Variants in ABCG2 observed in about 807,000 individuals in gnomAD.
ABCG2 encodes ATP binding cassette subfamily G member 2 (JR blood group).
ABCG2 carries 80 observed loss-of-function variants against 73.5 expected under a neutral mutation model. The ratio of observed to expected loss-of-function variants is 1.09; its 90% CI spans 0.91 to 1.31. The LOEUF (loss-of-function observed/expected upper bound fraction) is 1.31. Among genes scored for constraint, ABCG2 ranks in the 50% most tolerant of loss-of-function variants. The probability of loss-of-function intolerance (pLI) is 0.00; values close to 1 mark genes in which losing one functional copy is unlikely to be tolerated. For missense variants in ABCG2, 796 were observed against 786.2 expected, an observed-to-expected ratio of 1.01 and a Z score of -0.15; for synonymous variants, 269 against 282.4, an observed-to-expected ratio of 0.95 and a Z score of 0.48.
intron 14 of ABCG2, 28 bp downstream of exon 14, chr4:88,095,492 G>A: frequency 6.3e-7 from 1 of 1,581,388 alleles, no homozygotes; most frequent in Non-Finnish European, 8.7e-7. Flanking sequence ...TGGGAATGCA[G>A]TCACAGTGAC....
chr4:88,129,509 G>A (rs1724690168), intron 5 of ABCG2, among the ~76,000 whole-genome samples: 1 of 152,134 alleles, frequency 6.6e-6, no homozygotes, highest in Non-Finnish European at 1.5e-5. Context: ...GTAAAGAATA[G>A]AGTGGAACAA....
At chr4:88,106,997 G>A (rs896470768) in intron 10 of ABCG2, among the ~76,000 whole-genome samples, 187 bp downstream of exon 10, 6 of 152,148 alleles carry the variant, frequency 3.9e-5, no homozygotes, top group South Asian at 2.1e-4. Context: ...AGCTGAGATC[G>A]CGTCACTGCA....
intron 1 of ABCG2, among the ~76,000 whole-genome samples, chr4:88,169,782 T>TA (rs1727683723): frequency 6.6e-6 from 1 of 152,064 alleles, no homozygotes; most frequent in Non-Finnish European, 1.5e-5. Context: ...AGGGCTCCCT[T>TA]ACATTAGGTC....
chr4:88,094,717 A>G, intron 14 of ABCG2, 58 bp from the exon 15 acceptor site: 1 of 1,341,236 alleles, frequency 7.5e-7, no homozygotes, highest in Non-Finnish European at 1.1e-6. Context: ...AGAAGTTTCC[A>G]AAGAGTTATC....
At chr4:88,124,201 G>A (rs1478934870) in intron 5 of ABCG2, among the ~76,000 whole-genome samples, 1 of 152,154 alleles carries the variant, frequency 6.6e-6, no homozygotes, top group Non-Finnish European at 1.5e-5. Context: ...ACCAGTGACT[G>A]CAAAAACATA....
rs1413090379 is a variant in ABCG2, at chr4:88,166,487, C to T, written c.-19-26473G>A. ...AGTGTAAATAAACCTTGTCTATTCTCCTGTTAATCCATCTATTGCCAATTA... is the reference window on the plus strand; with the variant it reads ...AGTGTAAATAAACCTTGTCTATTCTTCTGTTAATCCATCTATTGCCAATTA... On this transcript the variant is annotated intron_variant, in intron 1 of 15. Coordinates refer to the ABCG2 transcript ENST00000515655. Among the ~76,000 whole-genome samples, 3 of 152,252 alleles carry T rather than the reference C, an allele frequency of 2.0e-5. No homozygotes were observed. In the East Asian group the frequency reaches 5.8e-4, roughly 29 times the overall value.
rs1351853099 is a variant in ABCG2, at chr4:88,094,613, A to G, written c.1784T>C (p.Leu595Pro). ...EFLGQNFCPG[L>P]NATGNNPCNY... The stretch of plus-strand genomic sequence containing the variant: ...ACAAGGATTGTTTCCTGTTGCATTG[A>G]GTCCTGGGCAGAAGTTTTGTCCCAA... Residue 595 changes from leucine to proline, a missense_variant, in exon 15 of 16, where the codon CTC becomes CCC. Physicochemically the swap from Leu to Pro is moderately conservative, Grantham distance 98. Coordinates refer to ENST00000237612, the MANE Select transcript of ABCG2 (RefSeq NM_004827.3). 1 of 1,614,132 alleles carries G rather than the reference A, an allele frequency of 6.2e-7. No homozygotes were observed. Among genetic ancestry groups the G allele is most frequent in the Admixed American group, 1.7e-5 (1 of 60,024 alleles).
chr4:88,184,673 C>T (rs1728382285), intron 1 of ABCG2, among the ~76,000 whole-genome samples: 1 of 152,132 alleles, frequency 6.6e-6, no homozygotes, highest in African/African-American at 2.4e-5. Flanking sequence ...ATACCAATGG[C>T]ATTCATCATA....
At chr4:88,212,419 G>A (rs1023527094) in intron 1 of ABCG2, among the ~76,000 whole-genome samples, 16 of 151,978 alleles carry the variant, frequency 1.1e-4, no homozygotes, top group Middle Eastern at 3.2e-3. Context: ...CTTAATTCTT[G>A]GTGAATTCAG....
intron 1 of ABCG2, among the ~76,000 whole-genome samples, chr4:88,142,804 C>T (rs1005829507): frequency 6.6e-5 from 10 of 152,034 alleles, no homozygotes; most frequent in African/African-American, 1.4e-4. Context: ...AAAAAGTAGC[C>T]GAGTATGCTG....
intron 11 of ABCG2, 21 bp from the exon 12 acceptor site, chr4:88,099,469 T>G: frequency 6.3e-7 from 1 of 1,584,350 alleles, no homozygotes; most frequent in Non-Finnish European, 8.6e-7. Flanking sequence ...AAAATACGTA[T>G]CATACATCCA....
intron 5 of ABCG2, among the ~76,000 whole-genome samples, chr4:88,125,884 T>C (rs771196355): frequency 6.6e-6 from 1 of 151,598 alleles, no homozygotes; most frequent in African/African-American, 2.4e-5. Flanking sequence ...AGAGAAGCAA[T>C]AGCAAACAAG....
At chr4:88,098,658 A>AGATAGATAGAT (rs1722167955) in intron 12 of ABCG2, among the ~76,000 whole-genome samples, 1 of 150,360 alleles carries the variant, frequency 6.7e-6, no homozygotes, top group Non-Finnish European at 1.5e-5. Context: ...ATAGATAGAT[A>AGATAGATAGAT]GATAGATAGA....
chr4:88,091,870 T>TA lies in ABCG2; in HGVS notation c.*363_*364insT, dbSNP rs140188296. The TA allele has an allele frequency of 2.3e-3, 416 of 181,744 alleles. 15 individuals are homozygous for TA. The East Asian group carries it at 0.058, about 25-fold the overall frequency. The allele number at this position is 181,744 out of a possible 1,614,324, so 11.3% of individuals were successfully genotyped here. The stretch of plus-strand genomic sequence containing the variant: ...CCATAGCATCATAAAGTATTAAGAC[T>TA]GAAGGGCTACTAACCTACCTATTCA... On this transcript the variant is annotated 3_prime_UTR_variant, in exon 16 of 16. Coordinates refer to ENST00000237612, the MANE Select transcript of ABCG2 (RefSeq NM_004827.3).
chr4:88,159,038 G>T (rs553040636), upstream of ABCG2: 39 of 419,452 alleles, frequency 9.3e-5, no homozygotes, highest in South Asian at 6.6e-4. Flanking sequence ...GTGTCCTGCC[G>T]CGCTGAGCCG....
At chr4:88,177,267 G>T (rs1019169098) in intron 1 of ABCG2, among the ~76,000 whole-genome samples, 4 of 151,982 alleles carry the variant, frequency 2.6e-5, no homozygotes, top group African/African-American at 9.7e-5. Flanking sequence ...CCAGCTACTC[G>T]GGAGGGTGAG....
chr4:88,204,301 G>A (rs1729296604), intron 1 of ABCG2, among the ~76,000 whole-genome samples: 1 of 151,824 alleles, frequency 6.6e-6, no homozygotes, highest in Non-Finnish European at 1.5e-5. Flanking sequence ...GGCGCCTGTA[G>A]TCCCAGCTAC....
At chr4:88,154,272 T>C (rs1484128431) in intron 1 of ABCG2, among the ~76,000 whole-genome samples, 1 of 152,214 alleles carries the variant, frequency 6.6e-6, no homozygotes, top group Non-Finnish European at 1.5e-5. Flanking sequence ...GACTCCAGCT[T>C]CCTTTGGAAG....
intron 2 of ABCG2, among the ~76,000 whole-genome samples, chr4:88,136,661 AT>A (rs1196215989): frequency 6.6e-5 from 10 of 152,186 alleles, no homozygotes; most frequent in Non-Finnish European, 1.0e-4. Flanking sequence ...AGCTATGATC[AT>A]GCCACTGCAC....
Sources: gnomAD v4.1 joint callset for allele counts (sites outside exome capture counted in the v4.1 genomes callset) on GRCh38, gnomAD v4.1.1 for gene constraint, MANE v1.5 for transcripts, NCBI Gene and HGNC (gene_info 2026-07-23, HGNC 2026-07-21) for gene names.